The following TIPIN variants were observed in gnomAD, a reference collection of about 807,000 sequenced individuals.
The protein encoded by TIPIN is TIMELESS interacting protein.
TIPIN carries 29 observed loss-of-function variants against 35.6 expected under a neutral mutation model. The observed-to-expected ratio is 0.82, with a 90% CI of 0.61 to 1.11. The LOEUF is 1.11. TIPIN is among the 50% of genes most tolerant of loss of function. The pLI is 0.00. For synonymous variants in TIPIN, 102 were observed against 121.5 expected, an observed-to-expected ratio of 0.84 and a Z score of 1.06; for missense variants, 296 against 345.4, an observed-to-expected ratio of 0.86 and a Z score of 1.13.
rs1252561508 is a variant in TIPIN at position 66,341,159 on chromosome 15, G to A, written c.673C>T (p.Leu225=). 6.2e-7 allele frequency: 1 copy of A among 1,610,740 alleles called. No individual in the cohort carries two copies. The highest frequency in any genetic ancestry group is 2.2e-5 in the East Asian group (1 of 44,868). The change falls in exon 7 of 8, where the codon CTA becomes TTA. Residue 225 remains leucine, a synonymous_variant. Transcript: ENST00000261881. ...TTGGCATAAAATTTACCATTTCCTA[G>A]GGTCTGACTATTACTCAGCAGCTTT... ...QAKLLSNSQT[L]GNDMLMNTPR...
At chr15:66,379,289 T>C in intron 1 of TIPIN, 1 of 1,550,692 alleles carries the variant, frequency 6.4e-7, no homozygotes, top group Non-Finnish European at 8.7e-7. Context: ...AAGTAGGTCT[T>C]AGGAGTCATC....
intron 7 of TIPIN, among the ~76,000 whole-genome samples, chr15:66,340,170 C>CTTTT (rs1566970488): frequency 1.1e-4 from 12 of 113,882 alleles, no homozygotes; most frequent in African/African-American, 3.2e-4. Context: ...CTGCGCCTGG[C>CTTTT]CTTTTTTTTT....
chr15:66,345,266 T>C (rs1167314181), intron 6 of TIPIN, among the ~76,000 whole-genome samples: 7 of 152,028 alleles, frequency 4.6e-5, no homozygotes. Context: ...AGAATAAAAA[T>C]GTGCCTGAAA....
At chr15:66,367,798 G>A (rs2093262506) in intron 1 of TIPIN, among the ~76,000 whole-genome samples, 1 of 150,104 alleles carries the variant, frequency 6.7e-6, no homozygotes, top group African/African-American at 2.4e-5. Flanking sequence ...TATGAGTAAT[G>A]CTGAACCAAA....
At chr15:66,351,064 A>G (rs183037674) in intron 4 of TIPIN, among the ~76,000 whole-genome samples, 108 of 145,950 alleles carry the variant, frequency 7.4e-4, no homozygotes, top group African/African-American at 2.4e-3. Context: ...ATTCAAAAAT[A>G]GATTTCAAAA....
intron 2 of TIPIN, 31 bp from the exon 3 acceptor site, chr15:66,352,238 T>C: frequency 1.4e-6 from 2 of 1,446,476 alleles, no homozygotes; most frequent in Non-Finnish European, 1.9e-6. Flanking sequence ...TCAGTATTAC[T>C]GTACTTAAAT....
chr15:66,342,963 A>C (rs560906930), intron 6 of TIPIN, among the ~76,000 whole-genome samples: 1 of 152,216 alleles, frequency 6.6e-6, no homozygotes, highest in Non-Finnish European at 1.5e-5. Flanking sequence ...TAAGACTGGC[A>C]GTGGTTAACT....
intron 1 of TIPIN, among the ~76,000 whole-genome samples, chr15:66,374,880 C>A (rs1441527605): frequency 3.3e-5 from 5 of 151,996 alleles, no homozygotes; most frequent in Admixed American, 6.6e-5. Flanking sequence ...CTGCGCCTGG[C>A]CAACTTTTTT....
chr15:66,359,174 GACACACAC>G (rs144363122), upstream of TIPIN, among the ~76,000 whole-genome samples: 4 of 134,814 alleles, frequency 3.0e-5, no homozygotes, highest in Non-Finnish European at 5.1e-5. Flanking sequence ...CACACACACA[GACACACAC>G]ACACACACAC....
intron 6 of TIPIN, among the ~76,000 whole-genome samples, chr15:66,343,665 T>C (rs1268493391): frequency 6.6e-6 from 1 of 152,132 alleles, no homozygotes; most frequent in African/African-American, 2.4e-5. Context: ...TAAGAGTATA[T>C]GTATGAAACA....
chr15:66,358,508 G>C (rs1161526500), upstream of TIPIN, among the ~76,000 whole-genome samples: 1 of 151,310 alleles, frequency 6.6e-6, no homozygotes, highest in Non-Finnish European at 1.5e-5. Flanking sequence ...ATCACAGCTA[G>C]AATCAGGTGA....
chr15:66,363,409 C>T (rs750182059), intron 1 of TIPIN, among the ~76,000 whole-genome samples: 53 of 151,982 alleles, frequency 3.5e-4, no homozygotes, highest in Non-Finnish European at 6.6e-4. Flanking sequence ...TTTGGGAGGC[C>T]GAGGCGGGCG....
At chr15:66,381,061 G>C (rs1037665851) in intron 1 of TIPIN, among the ~76,000 whole-genome samples, 2 of 152,134 alleles carry the variant, frequency 1.3e-5, no homozygotes, top group African/African-American at 4.8e-5. Flanking sequence ...CTTTACAAGA[G>C]AGTCATGGAA....
At chr15:66,355,298 G>A (rs1396683272) in intron 1 of TIPIN, among the ~76,000 whole-genome samples, 2 of 151,254 alleles carry the variant, frequency 1.3e-5, no homozygotes, top group African/African-American at 4.9e-5. Context: ...CTCCTAAAAT[G>A]CTGGGATTAC....
intron 1 of TIPIN, among the ~76,000 whole-genome samples, chr15:66,384,525 C>G (rs540797524): frequency 9.6e-4 from 146 of 152,000 alleles, no homozygotes; most frequent in Middle Eastern, 3.4e-3. Context: ...AAGTCCTGAC[C>G]TCAAGTGATC....
chr15:66,376,972 G>A (rs901506823), intron 1 of TIPIN, among the ~76,000 whole-genome samples: 1 of 151,474 alleles, frequency 6.6e-6, no homozygotes, highest in Non-Finnish European at 1.5e-5. Flanking sequence ...GCCAGGCATG[G>A]TGGTGGGCAC....
chr15:66,386,052 A>G (rs938269318), intron 1 of TIPIN, among the ~76,000 whole-genome samples: 1 of 152,204 alleles, frequency 6.6e-6, no homozygotes, highest in African/African-American at 2.4e-5. Flanking sequence ...TACAGGCGTG[A>G]GCCACCGCTC....
At chr15:66,359,082 G>A (rs1595806768), upstream of TIPIN, among the ~76,000 whole-genome samples, 1 of 150,756 alleles carries the variant, frequency 6.6e-6, no homozygotes, top group African/African-American at 2.4e-5. Flanking sequence ...GGTCCCGGAT[G>A]TCGAGGCTGC....
chr15:66,380,044 C>G, intron 1 of TIPIN: 1 of 454,426 alleles, frequency 2.2e-6, no homozygotes. Flanking sequence ...CTCTGTCACC[C>G]AGGCTGGAGT....
Sources: allele counts gnomAD v4.1 joint callset (sites outside exome capture counted in the v4.1 genomes callset), GRCh38; gene constraint gnomAD v4.1.1; transcripts MANE v1.5; gene names NCBI Gene and HGNC (gene_info 2026-07-23, HGNC 2026-07-21).